NTRK2: variants seen among roughly 807,000 people sequenced by gnomAD.
NTRK2 encodes neurotrophic receptor tyrosine kinase 2, also known as BDNF/NT-3 growth factors receptor.
Under a neutral mutation model 94.5 loss-of-function variants are expected in NTRK2, and 13 were observed. That is an observed-to-expected ratio of 0.14 (90% confidence interval 0.09 to 0.22). NTRK2 has a LOEUF of 0.22. Among genes scored for constraint, NTRK2 ranks in the 10% least tolerant of loss-of-function variants. The pLI is 1.00. For missense variants in NTRK2, 639 were observed against 1,071.2 expected (o/e 0.60, Z 5.63); for synonymous variants, 372 against 407.4 (o/e 0.91, Z 1.05).
intron 12 of NTRK2, among the ~76,000 whole-genome samples, chr9:84,752,715 A>T (rs2064747701): frequency 6.6e-6 from 1 of 152,232 alleles, no homozygotes; most frequent in Non-Finnish European, 1.5e-5. Flanking sequence ...AATTAATTTT[A>T]CAGGGAAAAC....
intron 12 of NTRK2, among the ~76,000 whole-genome samples, chr9:84,806,716 A>G (rs3739804): frequency 0.18 from 27,282 of 152,180 alleles, 3,755 homozygotes; most frequent in African/African-American, 0.38. Context: ...CAACAGATAT[A>G]AAGTGCTCCA....
chr9:84,937,143 C>G (rs1182756521), intron 15 of NTRK2, among the ~76,000 whole-genome samples: 1 of 152,142 alleles, frequency 6.6e-6, no homozygotes, highest in Non-Finnish European at 1.5e-5. Flanking sequence ...GTCTATAGTT[C>G]AGCCCTGACC....
At chr9:84,765,922 A>G (rs923084606) in intron 12 of NTRK2, among the ~76,000 whole-genome samples, 4 of 152,210 alleles carry the variant, frequency 2.6e-5, no homozygotes, top group South Asian at 2.1e-4. Flanking sequence ...AAAAATTAAA[A>G]AATATGGTTT....
At chr9:84,912,914 C>T (rs770479506) in intron 14 of NTRK2, among the ~76,000 whole-genome samples, 1 of 152,138 alleles carries the variant, frequency 6.6e-6, no homozygotes, top group Non-Finnish European at 1.5e-5. Context: ...CTGCACCCGG[C>T]CTAACCTGCC....
chr9:84,873,286 T>C (rs201166507), intron 14 of NTRK2: 11 of 1,059,814 alleles, frequency 1.0e-5, no homozygotes, highest in Non-Finnish European at 1.3e-5. Flanking sequence ...GAGTTGTTTG[T>C]ATGCCTTGGA....
At chr9:84,846,351 C>T (rs1174053143) in intron 12 of NTRK2, among the ~76,000 whole-genome samples, 1 of 152,196 alleles carries the variant, frequency 6.6e-6, no homozygotes, top group African/African-American at 2.4e-5. Flanking sequence ...TGCAGTTTTC[C>T]AAGCAAAAGC....
chr9:85,011,622 T>A (rs1425077685), intron 17 of NTRK2, among the ~76,000 whole-genome samples: 1 of 152,152 alleles, frequency 6.6e-6, no homozygotes, highest in Non-Finnish European at 1.5e-5. Context: ...AAGAGAACCC[T>A]CTCCAGAAAA....
At chr9:84,821,658 C>T (rs1260177196) in intron 12 of NTRK2, among the ~76,000 whole-genome samples, 1 of 152,138 alleles carries the variant, frequency 6.6e-6, no homozygotes, top group Non-Finnish European at 1.5e-5. Context: ...CAAATGCTTC[C>T]ATCCTTATTT....
intron 12 of NTRK2, among the ~76,000 whole-genome samples, chr9:84,771,891 G>T (rs2066583635): frequency 6.6e-6 from 1 of 152,192 alleles, no homozygotes; most frequent in Admixed American, 6.5e-5. Flanking sequence ...TGAGAGGTCA[G>T]CATTGTAATG....
rs192867714 is a variant in NTRK2 at position 84,943,472 on chromosome 9, A to G, written c.1765-4990A>G. Among the ~76,000 whole-genome samples the G allele has an allele frequency of 1.1e-4, 16 of 152,306 alleles. No individual in the cohort carries two copies. The East Asian group carries it at 3.1e-3, about 29-fold the overall frequency. The stretch of plus-strand genomic sequence containing the variant: ...TATGTACTCCAGGCAGTATCTCGCT[A>G]CAGTTCTGGAGGAGCCCTCTCCCTT... On this transcript the variant is annotated intron_variant, in intron 15 of 18. Coordinates refer to ENST00000277120, the MANE Select transcript of NTRK2 (RefSeq NM_006180.6).
intron 6 of NTRK2, among the ~76,000 whole-genome samples, chr9:84,713,307 CT>C (rs2061524446): frequency 6.6e-6 from 1 of 151,948 alleles, no homozygotes; most frequent in Admixed American, 6.6e-5. Context: ...TAAATATTCT[CT>C]TTTTAAAAAA....
In NTRK2 at chr9:85,023,584, A is replaced by G. The variant is rs1260045108; in HGVS notation, c.*2147A>G. Reference sequence around the variant, plus strand: ...GTTGGGTCGTTTGTTCTCTTTGTTGATGATTTTAAAAAAACCCTCTAGAAT... The same window carrying G: ...GTTGGGTCGTTTGTTCTCTTTGTTGGTGATTTTAAAAAAACCCTCTAGAAT... On this transcript the variant is annotated 3_prime_UTR_variant, in exon 19 of 19. Coordinates refer to ENST00000277120, the MANE Select transcript of NTRK2 (RefSeq NM_006180.6). 1.4e-5 allele frequency: 3 copies of G among 218,370 alleles called. No individual in the cohort carries two copies. Among genetic ancestry groups the G allele is most frequent in the African/African-American group, 4.7e-5 (2 of 42,526 alleles). 13.5% of individuals were successfully genotyped at this position (218,370 alleles called of 1,614,324 possible). A position where few individuals can be genotyped will look rare whatever the true frequency, so the allele number is the denominator to read the frequency against.
chr9:84,688,138 C>G (rs2059830470), intron 2 of NTRK2, among the ~76,000 whole-genome samples: 1 of 152,158 alleles, frequency 6.6e-6, no homozygotes, highest in Non-Finnish European at 1.5e-5. Context: ...ATTCTGGGAT[C>G]CTGGGGAAGG....
intron 14 of NTRK2, among the ~76,000 whole-genome samples, chr9:84,912,220 C>A (rs1394423450): frequency 6.6e-6 from 1 of 152,112 alleles, no homozygotes; most frequent in Non-Finnish European, 1.5e-5. Flanking sequence ...GTGCATTCTG[C>A]TGTTGTTGAG....
chr9:84,699,953 AGTGCCTT>A lies in NTRK2; in HGVS notation c.213-2201_213-2195del, dbSNP rs549203092. Among the ~76,000 whole-genome samples, 3 of 152,328 alleles carry A rather than the reference AGTGCCTT, an allele frequency of 2.0e-5. No individual in the cohort carries two copies. The South Asian group carries it at 6.2e-4, about 32-fold the overall frequency. Reference sequence around the variant, plus strand: ...CATAAGTAACAAAAAGTTAAAGATGAGTGCCTTGTGCAGATCATAATAAAGTCCCCAT... The same window carrying A: ...CATAAGTAACAAAAAGTTAAAGATGAGTGCAGATCATAATAAAGTCCCCAT... On this transcript the variant is annotated intron_variant, in intron 2 of 18. Coordinates refer to ENST00000277120, the MANE Select transcript of NTRK2 (RefSeq NM_006180.6).
intron 2 of NTRK2, among the ~76,000 whole-genome samples, chr9:84,674,219 G>T (rs755998392): frequency 2.6e-5 from 4 of 152,078 alleles, no homozygotes; most frequent in African/African-American, 9.7e-5. Flanking sequence ...TATGTTGCAC[G>T]TGCTTTATGA....
intron 14 of NTRK2, among the ~76,000 whole-genome samples, chr9:84,908,426 G>A (rs1490024458): frequency 2.7e-5 from 4 of 150,776 alleles, no homozygotes; most frequent in Non-Finnish European, 5.9e-5. Context: ...AAGAAAAAAC[G>A]AAAATAATAA....
chr9:84,731,686 C>T (rs539893969), intron 9 of NTRK2, among the ~76,000 whole-genome samples: 2 of 152,170 alleles, frequency 1.3e-5, no homozygotes, highest in Non-Finnish European at 2.9e-5. Context: ...ACACTCTGTT[C>T]TCTACTTGGA....
intron 12 of NTRK2, among the ~76,000 whole-genome samples, chr9:84,766,388 T>C (rs930226488): frequency 6.6e-5 from 10 of 152,096 alleles, no homozygotes; most frequent in Non-Finnish European, 1.3e-4. Context: ...GTTGTTGTTG[T>C]TGTTTTGTTT....
Sources: gnomAD v4.1 joint callset for allele counts (sites outside exome capture counted in the v4.1 genomes callset) on GRCh38, gnomAD v4.1.1 for gene constraint, MANE v1.5 for transcripts, NCBI Gene and HGNC (gene_info 2026-07-23, HGNC 2026-07-21) for gene names.